Variants in WWOX observed in about 807,000 individuals in gnomAD.
The protein encoded by WWOX is WW domain-containing oxidoreductase.
A neutral mutation model predicts 46.2 loss-of-function variants in WWOX; 69 were observed. The observed-to-expected ratio is 1.49, with a 90% CI of 1.23 to 1.82. The LOEUF is 1.82. WWOX is among the 40% of genes most tolerant of loss of function. The probability of loss-of-function intolerance (pLI) is 0.00; values close to 1 mark genes in which losing one functional copy is unlikely to be tolerated. For missense variants in WWOX, 919 were observed against 542.6 expected (o/e 1.69, Z -6.89); for synonymous variants, 359 against 202.6 (o/e 1.77, Z -6.56).
chr16:78,132,245 C>G (rs1597245653), intron 4 of WWOX, among the ~76,000 whole-genome samples: 1 of 149,992 alleles, frequency 6.7e-6, no homozygotes, highest in Non-Finnish European at 1.5e-5. Flanking sequence ...CAAGGATGGT[C>G]TTGATCTCCT....
chr16:78,452,475 C>CTTTTTT (rs397945707), intron 8 of WWOX, among the ~76,000 whole-genome samples: 30 of 126,052 alleles, frequency 2.4e-4, no homozygotes, highest in East Asian at 6.9e-4. Flanking sequence ...CTCTCTCTCT[C>CTTTTTT]TTTTTTTTTT....
At chr16:78,657,702 T>A (rs964714125) in intron 8 of WWOX, among the ~76,000 whole-genome samples, 2 of 152,192 alleles carry the variant, frequency 1.3e-5, no homozygotes, top group African/African-American at 4.8e-5. Flanking sequence ...AGAGGTCACA[T>A]TGCCTTTTCT....
At chr16:78,761,308 T>G (rs1013584275) in intron 8 of WWOX, among the ~76,000 whole-genome samples, 4 of 152,190 alleles carry the variant, frequency 2.6e-5, no homozygotes, top group African/African-American at 9.7e-5. Flanking sequence ...TCTTTATCAA[T>G]CTGTTTGGAT....
At chr16:78,275,371 C>T (rs2079558220) in intron 5 of WWOX, among the ~76,000 whole-genome samples, 1 of 152,186 alleles carries the variant, frequency 6.6e-6, no homozygotes, top group African/African-American at 2.4e-5. Flanking sequence ...GGGCTTGTGC[C>T]CACCGGGTCA....
intron 8 of WWOX, among the ~76,000 whole-genome samples, chr16:78,838,577 C>G (rs1443388546): frequency 6.6e-6 from 1 of 152,178 alleles, no homozygotes; most frequent in African/African-American, 2.4e-5. Context: ...CACGGTGGCT[C>G]ACTCCTGTAA....
At chr16:78,953,259 T>G (rs571489459) in intron 8 of WWOX, among the ~76,000 whole-genome samples, 1 of 147,542 alleles carries the variant, frequency 6.8e-6, no homozygotes, top group South Asian at 2.3e-4. Flanking sequence ...TATAGGATAA[T>G]AGATTTCTAA....
At chr16:78,580,926 G>C (rs1341277842) in intron 8 of WWOX, among the ~76,000 whole-genome samples, 2 of 152,142 alleles carry the variant, frequency 1.3e-5, no homozygotes, top group East Asian at 1.9e-4. Context: ...GTCTAATTTA[G>C]TAGCCAGCTA....
intron 8 of WWOX, among the ~76,000 whole-genome samples, chr16:78,647,108 T>A (rs1179024651): frequency 2.0e-5 from 3 of 152,196 alleles, no homozygotes; most frequent in Non-Finnish European, 4.4e-5. Context: ...GATGTGAAAC[T>A]GCCCAGTGCC....
intron 5 of WWOX, among the ~76,000 whole-genome samples, chr16:78,302,216 C>T (rs1247572152): frequency 1.3e-5 from 2 of 152,238 alleles, no homozygotes; most frequent in African/African-American, 2.4e-5. Flanking sequence ...CTGCCTTGGC[C>T]TCCCAAAGTG....
At chr16:78,395,937 G>A (rs2082275513) in intron 6 of WWOX, among the ~76,000 whole-genome samples, 1 of 152,090 alleles carries the variant, frequency 6.6e-6, no homozygotes, top group African/African-American at 2.4e-5. Flanking sequence ...CAGATGAGTT[G>A]CCATAAAAGC....
chr16:79,105,688 G>A (rs116336703), intron 8 of WWOX, among the ~76,000 whole-genome samples: 2 of 150,594 alleles, frequency 1.3e-5, no homozygotes, highest in Non-Finnish European at 3.0e-5. Flanking sequence ...TGCGAGACAG[G>A]GTCTCACTCT....
At chr16:79,063,910 A>T (rs572233691) in intron 8 of WWOX, among the ~76,000 whole-genome samples, 2 of 152,374 alleles carry the variant, frequency 1.3e-5, no homozygotes, top group African/African-American at 4.8e-5. Flanking sequence ...TGAGACTAGT[A>T]TGGAGCAAAA....
chr16:79,107,250 TTTTTA>T, intron 8 of WWOX, among the ~76,000 whole-genome samples: 1 of 151,838 alleles, frequency 6.6e-6, no homozygotes, highest in Admixed American at 6.5e-5. Flanking sequence ...CCAAAATGAC[TTTTTA>T]TTTGTTATTT....
rs2082988842 is a variant in WWOX at position 78,423,005 on chromosome 16, C to G, written c.606-1865C>G. Among the ~76,000 whole-genome samples the G allele has an allele frequency of 2.6e-5, 4 of 151,878 alleles. No homozygotes were observed. In the South Asian group the frequency reaches 8.3e-4, roughly 32 times the overall value. ...GGTTCAAGTGATTCTCCTGCCTTAGCCTCCCAAGTAGCTGGGATTACAGGC... is the reference window on the plus strand; with the variant it reads ...GGTTCAAGTGATTCTCCTGCCTTAGGCTCCCAAGTAGCTGGGATTACAGGC... On this transcript the variant is annotated intron_variant, in intron 6 of 8. Coordinates refer to ENST00000566780, the MANE Select transcript of WWOX (RefSeq NM_016373.4).
chr16:78,132,247 T>C (rs913281916), intron 4 of WWOX, among the ~76,000 whole-genome samples: 31 of 151,760 alleles, frequency 2.0e-4, no homozygotes, highest in Non-Finnish European at 4.0e-4. Flanking sequence ...AGGATGGTCT[T>C]GATCTCCTGA....
chr16:78,131,632 A>T (rs2033597366), intron 4 of WWOX, among the ~76,000 whole-genome samples: 1 of 151,598 alleles, frequency 6.6e-6, no homozygotes, highest in Non-Finnish European at 1.5e-5. Context: ...CCCAGGATGG[A>T]GTGCAATGGC....
At chr16:78,900,107 C>A (rs936029103) in intron 8 of WWOX, among the ~76,000 whole-genome samples, 12 of 103,760 alleles carry the variant, frequency 1.2e-4, no homozygotes, top group Admixed American at 6.3e-4. Flanking sequence ...TGCTCCTTCT[C>A]TATTTTATTT....
chr16:78,548,264 T>C (rs1201824397), intron 8 of WWOX, among the ~76,000 whole-genome samples: 1 of 152,094 alleles, frequency 6.6e-6, no homozygotes, highest in Non-Finnish European at 1.5e-5. Flanking sequence ...TTGATTCTCT[T>C]CAAAAACTTG....
chr16:78,360,235 C>T (rs1176404869), intron 5 of WWOX, among the ~76,000 whole-genome samples: 2 of 152,164 alleles, frequency 1.3e-5, no homozygotes, highest in East Asian at 3.9e-4. Context: ...AAGGGACAGC[C>T]ATTTCACTGG....
Sources: gnomAD v4.1 joint callset for allele counts (sites outside exome capture counted in the v4.1 genomes callset) on GRCh38, gnomAD v4.1.1 for gene constraint, MANE v1.5 for transcripts, NCBI Gene and HGNC (gene_info 2026-07-23, HGNC 2026-07-21) for gene names.